Variants in IQCH observed in about 807,000 individuals in gnomAD.
The protein encoded by IQCH is IQ domain-containing protein H.
In IQCH, 98 loss-of-function variants were observed where a neutral mutation model predicts 117.0. That is an observed-to-expected ratio of 0.84 (90% CI 0.71 to 0.99). The LOEUF is 0.99. Among genes scored for constraint, IQCH ranks in the 50% least tolerant of loss-of-function variants. The pLI is 0.00. For missense variants in IQCH, 1,102 were observed against 1,243.8 expected (o/e 0.89, Z 1.72); for synonymous variants, 412 against 448.2 (o/e 0.92, Z 1.02).
At chr15:67,412,221 T>C (rs1439870963) in intron 14 of IQCH, among the ~76,000 whole-genome samples, 3 of 152,248 alleles carry the variant, frequency 2.0e-5, no homozygotes, top group African/African-American at 4.8e-5. Context: ...ACTTGTTTAT[T>C]ATCAACAAGG....
At chr15:67,351,254 C>T (rs1442906692) in intron 6 of IQCH, among the ~76,000 whole-genome samples, 1 of 152,038 alleles carries the variant, frequency 6.6e-6, no homozygotes, top group East Asian at 1.9e-4. Context: ...CCCCACCCCC[C>T]AACAGTCCCT....
At chr15:67,477,433 C>A (rs557809648) in intron 18 of IQCH, among the ~76,000 whole-genome samples, 1 of 152,264 alleles carries the variant, frequency 6.6e-6, no homozygotes, top group African/African-American at 2.4e-5. Context: ...TTGGCAATCC[C>A]CAGCAGGCTG....
intron 6 of IQCH, among the ~76,000 whole-genome samples, chr15:67,348,846 G>A (rs1001965057): frequency 1.3e-5 from 2 of 152,156 alleles, no homozygotes; most frequent in Non-Finnish European, 2.9e-5. Context: ...GAGGACTCTT[G>A]TTATCTGAGT....
chr15:67,388,862 C>G lies in IQCH; in HGVS notation c.1488C>G (p.Ser496=), dbSNP rs780505036. The change falls in exon 12 of 21, where the codon TCC becomes TCG. Residue 496 remains serine (S), a synonymous_variant. Transcript: ENST00000335894. The surrounding 1 kb of genome is among the most constrained non-coding windows in gnomAD (Gnocchi z 5.5). ...ATGTGAATGTCATCTACATCTGCTCCCATCATATGAATGACGAGTTAGTGC... is the reference window on the plus strand; with the variant it reads ...ATGTGAATGTCATCTACATCTGCTCGCATCATATGAATGACGAGTTAGTGC... The part of the protein sequence containing the change: ...DANVNVIYIC[S]HHMNDELVLY... The G allele has an allele frequency of 1.5e-5, 25 of 1,613,646 alleles. No homozygotes were observed. Among genetic ancestry groups the G allele is most frequent in the Non-Finnish European group, 1.7e-5 (20 of 1,179,700 alleles).
At chr15:67,274,743 G>A (rs139846714) in intron 3 of IQCH, among the ~76,000 whole-genome samples, 2 of 152,218 alleles carry the variant, frequency 1.3e-5, no homozygotes, top group African/African-American at 4.8e-5. Context: ...TTGCATTAAA[G>A]GATTAGTTAT....
chr15:67,257,617 GT>G (rs1217933542), intron 1 of IQCH, among the ~76,000 whole-genome samples: 1 of 152,222 alleles, frequency 6.6e-6, no homozygotes, highest in African/African-American at 2.4e-5. Context: ...AAGTGTGATA[GT>G]GACTCTGGGA....
rs1466326695 is a variant in IQCH at position 67,357,410 on chromosome 15, C to G, written c.703C>G (p.Gln235Glu). The G allele has an allele frequency of 6.3e-7, 1 of 1,593,926 alleles. No individual in the cohort carries two copies. The highest frequency in any genetic ancestry group is 8.6e-7 in the Non-Finnish European group (1 of 1,161,728). Residue 235 changes from glutamine to glutamate, a missense_variant, in exon 7 of 21, where the codon CAA becomes GAA. This residue lies in a region of IQCH where 452 missense variants were observed against 449.6 expected (regional missense o/e 1.01). Transcript: ENST00000335894. ...PAEVKFFPKKQRSKGKSRRSR... is the reference protein window; with the variant it reads ...PAEVKFFPKKERSKGKSRRSR... ...AGAAGTGAAGTTCTTTCCCAAGAAA[C>G]AAAGATCAAAGGTATTTATATTCCT...
chr15:67,389,985 G>A (rs916741757), intron 12 of IQCH, among the ~76,000 whole-genome samples: 1 of 151,978 alleles, frequency 6.6e-6, no homozygotes, highest in African/African-American at 2.4e-5. Context: ...ATTGTTGTCA[G>A]GGTTTATTCT....
At chr15:67,279,341 G>A (rs1002219779) in intron 3 of IQCH, 54 bp from the exon 4 acceptor site, 1 of 920,754 alleles carries the variant, frequency 1.1e-6, no homozygotes, top group South Asian at 1.5e-5. Context: ...ATTACAATTT[G>A]AAAAGCTTTT....
chr15:67,355,506 T>C (rs7494991), intron 6 of IQCH, among the ~76,000 whole-genome samples: 151,364 of 152,044 alleles, frequency 1, 75,350 homozygotes, highest in Middle Eastern at 1. Context: ...AGGAGAATGG[T>C]GTGAACCTGG....
At chr15:67,261,222 G>A in intron 1 of IQCH, 50 bp from the exon 2 acceptor site, 1 of 1,311,976 alleles carries the variant, frequency 7.6e-7, no homozygotes, top group Non-Finnish European at 1.0e-6. Context: ...ACTGCTATAG[G>A]TGGACTATGT....
At chr15:67,336,945 GT>G (rs1968918617) in intron 4 of IQCH, 29 bp from the exon 5 acceptor site, 2 of 1,610,264 alleles carry the variant, frequency 1.2e-6, no homozygotes, top group African/African-American at 1.3e-5. Flanking sequence ...AGGCAAAAAT[GT>G]TTGCTGAAAC....
chr15:67,475,577 G>T lies in IQCH; in HGVS notation c.2677-119G>T. The T allele has an allele frequency of 2.6e-6, 2 of 776,380 alleles. No homozygotes were observed. The highest frequency in any genetic ancestry group is 3.7e-4 in the Middle Eastern group (1 of 2,710). The allele number at this position is 776,380 out of a possible 1,614,324, so 48.1% of individuals were successfully genotyped here. A position where few individuals can be genotyped will look rare whatever the true frequency, so the allele number is the denominator to read the frequency against. ...AAGATGTTAACAATAGGAGAACTGG[G>T]TGTGGGGGATATAGGAACTCTCAGA... is the stretch of plus-strand genomic sequence containing the variant. On this transcript the variant is annotated intron_variant, in intron 17 of 20. Transcript: ENST00000335894. The surrounding 1 kb of genome is among the most constrained non-coding windows in gnomAD (Gnocchi z 5.7).
In IQCH at chr15:67,370,661, C is replaced by A. The variant is rs1970494510; in HGVS notation, c.754-1450C>A. ...CCAAGTAGCTTGCATTCTCTTCTGG[C>A]ACCCTGATTAGATCAGAAAGGGATA... On this transcript the variant is annotated intron_variant, in intron 8 of 20. Transcript: ENST00000335894. The surrounding 1 kb of genome is among the most constrained non-coding windows in gnomAD (Gnocchi z 5.6). Among the ~76,000 whole-genome samples, 1 of 152,196 alleles carries A rather than the reference C, an allele frequency of 6.6e-6. No individual in the cohort carries two copies. Among genetic ancestry groups the A allele is most frequent in the Non-Finnish European group, 1.5e-5 (1 of 68,032 alleles).
chr15:67,337,253 T>C (rs530091757), intron 5 of IQCH, among the ~76,000 whole-genome samples, 158 bp downstream of exon 5: 84 of 152,282 alleles, frequency 5.5e-4, no homozygotes, highest in African/African-American at 1.9e-3. Flanking sequence ...TTTCCTGCTC[T>C]GTAAATTAAA....
intron 16 of IQCH, among the ~76,000 whole-genome samples, chr15:67,439,388 T>C (rs1478725008): frequency 6.6e-6 from 1 of 152,072 alleles, no homozygotes; most frequent in Non-Finnish European, 1.5e-5. Flanking sequence ...TGTCAAAACC[T>C]CTGGGATACA....
chr15:67,257,828 A>T (rs962956917), intron 1 of IQCH, among the ~76,000 whole-genome samples: 1 of 152,248 alleles, frequency 6.6e-6, no homozygotes, highest in African/African-American at 2.4e-5. Flanking sequence ...CAAAAATCCA[A>T]CAATTGTATG....
rs1475346723 is a variant in IQCH, at chr15:67,457,988, CA to C, written c.2506-7138del. ...GGAAGGCCTCAGGTCCTATAGACCTCACTTCTCACCAATCCAGGAGAATCTT... is the reference window on the plus strand; with the variant it reads ...GGAAGGCCTCAGGTCCTATAGACCTCCTTCTCACCAATCCAGGAGAATCTT... On this transcript the variant is annotated intron_variant, in intron 16 of 20. Coordinates refer to ENST00000335894, the MANE Select transcript of IQCH (RefSeq NM_001031715.3). This position sits in a 1 kb window ranked among gnomAD's most constrained non-coding sequence, Gnocchi z 5.7. 2.0e-5 allele frequency among the ~76,000 whole-genome samples: 3 copies of C among 152,196 alleles called. No homozygotes were observed. Among genetic ancestry groups the C allele is most frequent in the African/African-American group, 7.2e-5 (3 of 41,452 alleles).
chr15:67,439,119 C>A (rs1050982297), intron 16 of IQCH, among the ~76,000 whole-genome samples: 2 of 152,118 alleles, frequency 1.3e-5, no homozygotes, highest in Non-Finnish European at 2.9e-5. Context: ...TATTCAACAG[C>A]GCATGGAACT....
Sources: allele counts gnomAD v4.1 joint callset (sites outside exome capture counted in the v4.1 genomes callset), GRCh38; gene constraint gnomAD v4.1.1; regional missense constraint gnomAD v4.1.1; non-coding constraint Gnocchi (gnomAD v3.1); transcripts MANE v1.5; gene names NCBI Gene and HGNC (gene_info 2026-07-23, HGNC 2026-07-21).